The following PCCA variants were observed in gnomAD, a reference collection of about 807,000 sequenced individuals.
The protein encoded by PCCA is propionyl-CoA carboxylase subunit alpha.
In PCCA, 74 loss-of-function variants were observed where a neutral mutation model predicts 101.3. That is an observed-to-expected ratio of 0.73 (90% CI 0.61 to 0.89). The LOEUF (loss-of-function observed/expected upper bound fraction) is 0.89. Among genes scored for constraint, PCCA ranks in the 40% least tolerant of loss-of-function variants. PCCA has a pLI of 0.00. For synonymous variants in PCCA, 294 were observed against 313.6 expected, an observed-to-expected ratio of 0.94 and a Z score of 0.66; for missense variants, 891 against 907.0, an observed-to-expected ratio of 0.98 and a Z score of 0.23.
chr13:100,204,374 G>A (rs990975721), intron 6 of PCCA, among the ~76,000 whole-genome samples: 4 of 152,194 alleles, frequency 2.6e-5, no homozygotes, highest in Middle Eastern at 3.4e-3. Context: ...TCCTGAGCTC[G>A]TGCAGCTCAC....
intron 21 of PCCA, among the ~76,000 whole-genome samples, chr13:100,507,528 G>A (rs866817701): frequency 6.6e-6 from 1 of 152,142 alleles, no homozygotes; most frequent in Non-Finnish European, 1.5e-5. Context: ...CTCTTTTCCC[G>A]CCACATCAGT....
chr13:100,262,978 T>A, intron 10 of PCCA, 147 bp downstream of exon 10: 1 of 567,648 alleles, frequency 1.8e-6, no homozygotes, highest in South Asian at 2.3e-5. Context: ...AGGATGTTGG[T>A]TGGGATTGGG....
In PCCA at chr13:100,307,270, A is replaced by C. The variant is rs1595236362; in HGVS notation, c.1353+10A>C. 6.6e-7 allele frequency: 1 copy of C among 1,519,516 alleles called. No individual in the cohort carries two copies. The highest frequency in any genetic ancestry group is 1.1e-5 in the South Asian group (1 of 89,186). 94.1% of individuals were successfully genotyped at this position (1,519,516 alleles called of 1,614,324 possible). A position where few individuals can be genotyped will look rare whatever the true frequency, so the allele number is the denominator to read the frequency against. ...TCCTATGATTTCAAAAGTTAGTTTA[A>C]TTTCTCAATGGATTATTTGATTTCT... On this transcript the variant is annotated intron_variant, in intron 15 of 23. Coordinates refer to ENST00000376285, the MANE Select transcript of PCCA (RefSeq NM_000282.4).
chr13:100,504,123 T>G (rs1413018538), intron 21 of PCCA, among the ~76,000 whole-genome samples: 1 of 152,156 alleles, frequency 6.6e-6, no homozygotes, highest in Non-Finnish European at 1.5e-5. Context: ...TAACTATTTT[T>G]AACTCCATAA....
intron 8 of PCCA, among the ~76,000 whole-genome samples, chr13:100,248,694 T>G (rs749002879): frequency 3.3e-5 from 5 of 152,196 alleles, no homozygotes; most frequent in Non-Finnish European, 7.4e-5. Context: ...GGATACAAGT[T>G]CTTTCTTAGG....
intron 20 of PCCA, among the ~76,000 whole-genome samples, chr13:100,433,503 GTT>G (rs796101301): frequency 6.8e-6 from 1 of 146,330 alleles, no homozygotes; most frequent in Admixed American, 6.8e-5. Context: ...TCTTAGAGCT[GTT>G]TTTTTTTTTA....
intron 4 of PCCA, among the ~76,000 whole-genome samples, chr13:100,146,543 C>G (rs1364355072): frequency 6.6e-6 from 1 of 150,704 alleles, no homozygotes; most frequent in Non-Finnish European, 1.5e-5. Flanking sequence ...CCACTGCACT[C>G]CAGCCTAGGC....
intron 2 of PCCA, among the ~76,000 whole-genome samples, chr13:100,110,505 A>T (rs961214133): frequency 3.3e-5 from 5 of 152,302 alleles, no homozygotes; most frequent in Non-Finnish European, 5.9e-5. Flanking sequence ...TCTCTAGATA[A>T]ACACAGGATA....
intron 21 of PCCA, among the ~76,000 whole-genome samples, chr13:100,510,851 A>T (rs1325549919): frequency 1.3e-5 from 2 of 152,244 alleles, no homozygotes; most frequent in Non-Finnish European, 2.9e-5. Context: ...TGCTCCAGCG[A>T]CTGCAGCTGT....
intron 10 of PCCA, among the ~76,000 whole-genome samples, chr13:100,267,179 GCTTTATTTCTTGGAGA>G (rs1159541306): frequency 6.6e-6 from 1 of 152,042 alleles, no homozygotes; most frequent in Non-Finnish European, 1.5e-5. Context: ...GGTTATTTTG[GCTTTATTTCTTGGAGA>G]CTGTCTACTT....
At chr13:100,375,522 A>T (rs2075848352) in intron 19 of PCCA, among the ~76,000 whole-genome samples, 1 of 152,118 alleles carries the variant, frequency 6.6e-6, no homozygotes, top group South Asian at 2.1e-4. Flanking sequence ...GGTCTCTAAG[A>T]ACTTGCTTTA....
At chr13:100,240,384 T>A (rs976507695) in intron 8 of PCCA, among the ~76,000 whole-genome samples, 10 of 150,654 alleles carry the variant, frequency 6.6e-5, no homozygotes, top group Non-Finnish European at 1.2e-4. Flanking sequence ...TTTTTTTTTT[T>A]AATCTTTTGC....
chr13:100,371,269 G>A (rs1420022061), intron 19 of PCCA, among the ~76,000 whole-genome samples: 2 of 152,022 alleles, frequency 1.3e-5, no homozygotes, highest in African/African-American at 4.8e-5. Flanking sequence ...ATACTTAATG[G>A]CACCATTTAT....
intron 19 of PCCA, among the ~76,000 whole-genome samples, chr13:100,369,709 A>C (rs575805599): frequency 1.3e-5 from 2 of 152,216 alleles, no homozygotes; most frequent in Non-Finnish European, 2.9e-5. Flanking sequence ...CAGCTCTCTT[A>C]AAATGAAAGC....
chr13:100,318,616 A>C (rs2067650970), intron 16 of PCCA, among the ~76,000 whole-genome samples: 1 of 151,758 alleles, frequency 6.6e-6, no homozygotes, highest in Non-Finnish European at 1.5e-5. Context: ...TTTACTGAGA[A>C]TGATGGTTTC....
intron 16 of PCCA, among the ~76,000 whole-genome samples, chr13:100,311,935 T>C (rs1248282314): frequency 6.6e-6 from 1 of 152,200 alleles, no homozygotes; most frequent in East Asian, 1.9e-4. Context: ...TTCAAATACT[T>C]CTCCAGAGAA....
intron 16 of PCCA, among the ~76,000 whole-genome samples, chr13:100,326,806 T>C (rs1004602149): frequency 2.0e-5 from 3 of 152,192 alleles, no homozygotes; most frequent in Non-Finnish European, 4.4e-5. Context: ...TTCTTTAGCT[T>C]TATTGCAAGA....
chr13:100,442,472 T>G (rs1024546642), intron 20 of PCCA, among the ~76,000 whole-genome samples: 1 of 152,238 alleles, frequency 6.6e-6, no homozygotes, highest in Admixed American at 6.5e-5. Flanking sequence ...TGTGAAAATT[T>G]GTTTCCATTT....
intron 20 of PCCA, among the ~76,000 whole-genome samples, chr13:100,427,963 A>G (rs1319143586): frequency 6.6e-6 from 1 of 152,224 alleles, no homozygotes; most frequent in Non-Finnish European, 1.5e-5. Context: ...AATTGTATGA[A>G]GTAGGTGCTA....
Sources: gnomAD v4.1 joint callset for allele counts (sites outside exome capture counted in the v4.1 genomes callset) on GRCh38, gnomAD v4.1.1 for gene constraint, MANE v1.5 for transcripts, NCBI Gene and HGNC (gene_info 2026-07-23, HGNC 2026-07-21) for gene names.